Variants in LRMDA observed in about 807,000 individuals in gnomAD.
LRMDA encodes the protein leucine rich melanocyte differentiation associated, also known as leucine-rich melanocyte differentiation-associated protein.
Under a neutral mutation model 29.8 loss-of-function variants are expected in LRMDA, and 18 were observed. That is an observed-to-expected ratio of 0.60 (90% confidence interval 0.42 to 0.90). The LOEUF (loss-of-function observed/expected upper bound fraction) is 0.90, where lower values mean the gene tolerates loss of function less well. LRMDA is among the 40% of genes least tolerant of loss of function. LRMDA has a pLI of 0.00. For missense variants in LRMDA, 273 were observed against 273.9 expected (o/e 1.00, Z 0.02); for synonymous variants, 125 against 109.4 (o/e 1.14, Z -0.89).
At chr10:76,524,203 G>A (rs1345512245) in intron 6 of LRMDA, among the ~76,000 whole-genome samples, 1 of 152,142 alleles carries the variant, frequency 6.6e-6, no homozygotes, top group Non-Finnish European at 1.5e-5. Flanking sequence ...TATTGGAAGG[G>A]AGCAAATGTC....
intron 5 of LRMDA, among the ~76,000 whole-genome samples, chr10:76,089,226 A>G: frequency 6.6e-6 from 1 of 152,178 alleles, no homozygotes; most frequent in African/African-American, 2.4e-5. Flanking sequence ...TGAATCACTC[A>G]AGTTCCTACA....
At chr10:75,706,918 TG>T (rs1358975955) in intron 2 of LRMDA, among the ~76,000 whole-genome samples, 1 of 152,164 alleles carries the variant, frequency 6.6e-6, no homozygotes, top group African/African-American at 2.4e-5. Flanking sequence ...AAGCATTAGA[TG>T]GTGGCCATTT....
chr10:76,050,419 AGTT>A (rs1360125324), intron 4 of LRMDA, among the ~76,000 whole-genome samples: 1 of 152,232 alleles, frequency 6.6e-6, no homozygotes, highest in African/African-American at 2.4e-5. Flanking sequence ...CATACAACCA[AGTT>A]GTTGAGTAGC....
chr10:76,271,622 C>A (rs893225844), intron 5 of LRMDA, among the ~76,000 whole-genome samples: 1 of 152,008 alleles, frequency 6.6e-6, no homozygotes, highest in African/African-American at 2.4e-5. Flanking sequence ...CTCATTTTGG[C>A]CAGAAATATA....
At chr10:75,969,654 GC>G (rs983371917) in intron 2 of LRMDA, among the ~76,000 whole-genome samples, 5 of 152,148 alleles carry the variant, frequency 3.3e-5, no homozygotes, top group African/African-American at 1.2e-4. Flanking sequence ...AGAAGCATCA[GC>G]CCAATGCTTT....
intron 2 of LRMDA, among the ~76,000 whole-genome samples, chr10:75,520,224 C>T (rs1845340330): frequency 1.3e-5 from 2 of 152,248 alleles, no homozygotes; most frequent in Non-Finnish European, 1.5e-5. Context: ...GAATGTTGGC[C>T]TGCCTTGGTA....
At chr10:75,784,556 G>A (rs1429272671) in intron 2 of LRMDA, among the ~76,000 whole-genome samples, 1 of 151,930 alleles carries the variant, frequency 6.6e-6, no homozygotes, top group African/African-American at 2.4e-5. Context: ...AAAATTAGCC[G>A]GGCTTGGTGG....
intron 5 of LRMDA, among the ~76,000 whole-genome samples, chr10:76,319,869 G>A (rs1227148096): frequency 6.6e-6 from 1 of 152,136 alleles, no homozygotes; most frequent in Non-Finnish European, 1.5e-5. Flanking sequence ...GTAGAGCTGT[G>A]GTCTTAGATG....
At chr10:76,457,955 C>T (rs180843714) in intron 6 of LRMDA, among the ~76,000 whole-genome samples, 1 of 152,038 alleles carries the variant, frequency 6.6e-6, no homozygotes, top group East Asian at 1.9e-4. Flanking sequence ...ACTTAATATG[C>T]CAGGAGGGAT....
chr10:76,126,817 A>C (rs1849892127), intron 5 of LRMDA, among the ~76,000 whole-genome samples: 1 of 152,208 alleles, frequency 6.6e-6, no homozygotes, highest in African/African-American at 2.4e-5. Context: ...TGGTTATGAC[A>C]GGCTCTCTGC....
intron 2 of LRMDA, among the ~76,000 whole-genome samples, chr10:75,697,074 G>A (rs1035034316): frequency 1.3e-5 from 2 of 152,148 alleles, no homozygotes; most frequent in Non-Finnish European, 2.9e-5. Context: ...TATGACACAG[G>A]GTACATGTGG....
intron 6 of LRMDA, among the ~76,000 whole-genome samples, chr10:76,339,857 T>C (rs1237306795): frequency 1.3e-5 from 2 of 152,144 alleles, no homozygotes; most frequent in Non-Finnish European, 2.9e-5. Context: ...ACTTTAAAAA[T>C]AACCATATAG....
At chr10:75,954,499 T>C (rs989498780) in intron 2 of LRMDA, among the ~76,000 whole-genome samples, 6 of 152,246 alleles carry the variant, frequency 3.9e-5, no homozygotes, top group African/African-American at 1.4e-4. Context: ...GGGGTGCATC[T>C]TTCCAAAGCA....
intron 6 of LRMDA, among the ~76,000 whole-genome samples, chr10:76,459,651 C>A (rs1170104001): frequency 6.6e-6 from 1 of 152,152 alleles, no homozygotes; most frequent in African/African-American, 2.4e-5. Flanking sequence ...TGCTTCCTAC[C>A]AATGTCAAGC....
At chr10:76,120,138 ATTCT>A (rs1292782441) in intron 5 of LRMDA, among the ~76,000 whole-genome samples, 3 of 151,102 alleles carry the variant, frequency 2.0e-5, no homozygotes, top group South Asian at 2.1e-4. Flanking sequence ...TCTACTATAC[ATTCT>A]TTATTTTCCA....
chr10:75,635,552 A>C (rs1178737981), intron 2 of LRMDA, among the ~76,000 whole-genome samples: 1 of 152,192 alleles, frequency 6.6e-6, no homozygotes, highest in Non-Finnish European at 1.5e-5. Context: ...ATTTCTGTCC[A>C]TAATTAGGGC....
intron 5 of LRMDA, among the ~76,000 whole-genome samples, chr10:76,172,310 T>C (rs1272973204): frequency 1.3e-5 from 2 of 152,118 alleles, no homozygotes; most frequent in Non-Finnish European, 2.9e-5. Context: ...TATTGGACAA[T>C]AGGTAGCACA....
At chr10:76,000,790 G>A (rs1425241447) in intron 2 of LRMDA, among the ~76,000 whole-genome samples, 1 of 152,160 alleles carries the variant, frequency 6.6e-6, no homozygotes, top group South Asian at 2.1e-4. Context: ...TGCATTTGAG[G>A]GTTTCTTGGA....
chr10:76,558,562 G>A lies in LRMDA; in HGVS notation c.*1274G>A, dbSNP rs1843587268. On this transcript the variant is annotated 3_prime_UTR_variant, in exon 7 of 7. Transcript: ENST00000611255. Reference sequence around the variant, plus strand: ...TTGATTGATTGTTCTTGACACGATAGTGTTTATTTTTCTGCTTCTTCCATT... The same window carrying A: ...TTGATTGATTGTTCTTGACACGATAATGTTTATTTTTCTGCTTCTTCCATT... 6.6e-6 allele frequency: 1 copy of A among 152,210 alleles called. No homozygotes were observed. The highest frequency in any genetic ancestry group is 1.5e-5 in the Non-Finnish European group (1 of 68,052). 9.4% of individuals were successfully genotyped at this position (152,210 alleles called of 1,614,324 possible).
Sources: gnomAD v4.1 joint callset for allele counts (sites outside exome capture counted in the v4.1 genomes callset) on GRCh38, gnomAD v4.1.1 for gene constraint, MANE v1.5 for transcripts, NCBI Gene and HGNC (gene_info 2026-07-23, HGNC 2026-07-21) for gene names.